ADCY10: variants seen among roughly 807,000 people sequenced by gnomAD.
The protein encoded by ADCY10 is adenylate cyclase 10, also known as adenylate cyclase type 10.
In ADCY10, 156 loss-of-function variants were observed where a neutral mutation model predicts 183.3. The ratio of observed to expected loss-of-function variants is 0.85; its 90% CI spans 0.75 to 0.97. ADCY10 has a LOEUF of 0.97. Ranked by LOEUF, ADCY10 falls within the 50% of genes least tolerant of loss-of-function variation. ADCY10 has a pLI of 0.00. For missense variants in ADCY10, 1,745 were observed against 1,934.3 expected (o/e 0.90, Z 1.84); for synonymous variants, 645 against 670.0 (o/e 0.96, Z 0.58).
chr1:167,893,770 G>GTTTT, intron 8 of ADCY10, 83 bp downstream of exon 8: 3 of 741,702 alleles, frequency 4.0e-6, no homozygotes, highest in Non-Finnish European at 6.6e-6. Context: ...AGTAGCTGCT[G>GTTTT]TTTTTTTTTT....
At chr1:167,902,257 T>C (rs574361427) in intron 3 of ADCY10, among the ~76,000 whole-genome samples, 1 of 152,256 alleles carries the variant, frequency 6.6e-6, no homozygotes, top group African/African-American at 2.4e-5. Context: ...GTGGAACCAG[T>C]TTACATCTAT....
chr1:167,820,716 G>T, intron 30 of ADCY10: 1 of 152,562 alleles, frequency 6.6e-6, no homozygotes, highest in Non-Finnish European at 1.5e-5. Context: ...AGGTAGACGG[G>T]ACCTGAGCCC....
Position 167,846,056 on chromosome 1 carries a change from G to A in ADCY10, c.2645C>T (p.Ala882Val), listed in dbSNP as rs2101969828. 1.9e-6 allele frequency: 3 copies of A among 1,614,200 alleles called. No homozygotes were observed. The highest frequency in any genetic ancestry group is 2.5e-6 in the Non-Finnish European group (3 of 1,180,042). ...CFRNGKELQK[A>V]LKQNDPSFEV... ...AAATGAGGGATCATTCTGTTTCAGG[G>A]CCTTTTGAAGCTCCTTGCCATTCCG... The change falls in exon 20 of 33, where the codon GCC becomes GTC. Residue 882 changes from alanine (A) to valine (V), a missense_variant. Transcript: ENST00000367851.
At chr1:167,817,975 T>C (rs1221611651) in intron 31 of ADCY10, 97 bp downstream of exon 31, 2 of 1,248,808 alleles carry the variant, frequency 1.6e-6, no homozygotes, top group East Asian at 5.1e-5. Context: ...ATTATAAAAA[T>C]ATATGAATTC....
intron 30 of ADCY10, among the ~76,000 whole-genome samples, chr1:167,819,394 C>T (rs576720894): frequency 1.6e-4 from 25 of 151,772 alleles, no homozygotes; most frequent in African/African-American, 4.3e-4. Context: ...CCTGCCATCA[C>T]GCCTGCCTAA....
At chr1:167,827,386 T>C (rs1024190980) in intron 26 of ADCY10, among the ~76,000 whole-genome samples, 3 of 151,062 alleles carry the variant, frequency 2.0e-5, no homozygotes, top group Non-Finnish European at 4.4e-5. Flanking sequence ...CACCGTGGTC[T>C]TGATCTCCTT....
intron 16 of ADCY10, among the ~76,000 whole-genome samples, 173 bp from the exon 17 acceptor site, chr1:167,856,612 A>G (rs1463313495): frequency 1.3e-5 from 2 of 152,188 alleles, no homozygotes; most frequent in African/African-American, 4.8e-5. Flanking sequence ...TATTCCATTA[A>G]CTTAGAATTT....
Position 167,902,041 on chromosome 1 carries a change from A to G in ADCY10, c.267T>C (p.Phe89=). Residue 89 remains phenylalanine (F), a synonymous_variant, in exon 4 of 33, where the codon TTT becomes TTC. Coordinates refer to ENST00000367851, the MANE Select transcript of ADCY10 (RefSeq NM_018417.6). ...CTGCAAATTTCAGGATGTCTCCTCCAAAAATCAACACTTCTGAGAAAAAAA... is the reference window on the plus strand; with the variant it reads ...CTGCAAATTTCAGGATGTCTCCTCCGAAAATCAACACTTCTGAGAAAAAAA... ...ISAIVEKVLI[F]GGDILKFAGD... 1 of 1,612,334 alleles carries G rather than the reference A, an allele frequency of 6.2e-7. No individual in the cohort carries two copies. The highest frequency in any genetic ancestry group is 8.5e-7 in the Non-Finnish European group (1 of 1,179,864).
At chr1:167,847,316 A>T (rs977634391) in intron 19 of ADCY10, among the ~76,000 whole-genome samples, 3 of 152,198 alleles carry the variant, frequency 2.0e-5, no homozygotes, top group Non-Finnish European at 4.4e-5. Flanking sequence ...CTAAACATTG[A>T]AAGTTGCTTA....
intron 16 of ADCY10, among the ~76,000 whole-genome samples, chr1:167,859,164 C>T (rs568628545): frequency 2.0e-5 from 3 of 152,214 alleles, no homozygotes; most frequent in Non-Finnish European, 4.4e-5. Flanking sequence ...TCACTACATC[C>T]AAGTGGAATA....
At chr1:167,869,352 A>G (rs1571352643) in intron 14 of ADCY10, among the ~76,000 whole-genome samples, 1 of 152,224 alleles carries the variant, frequency 6.6e-6, no homozygotes, top group East Asian at 1.9e-4. Context: ...AATCTATTGC[A>G]CAAGAAGGCA....
rs1251156087 is a variant in ADCY10, at chr1:167,832,998, G to A, written c.3582C>T (p.Ser1194=). 5 of 1,613,810 alleles carry A rather than the reference G, an allele frequency of 3.1e-6. No individual in the cohort carries two copies. Among genetic ancestry groups the A allele is most frequent in the South Asian group, 1.1e-5 (1 of 91,064 alleles). The change falls in exon 25 of 33, where the codon AGC becomes AGT. Residue 1194 remains serine (S), a synonymous_variant. Coordinates refer to ENST00000367851, the MANE Select transcript of ADCY10 (RefSeq NM_018417.6). Reference sequence around the variant, plus strand: ...GCTCCTTCCCTTACCCTGGAGGTGGGCTCTCTTGGGCCTGCCGATTCACAT... The same window carrying A: ...GCTCCTTCCCTTACCCTGGAGGTGGACTCTCTTGGGCCTGCCGATTCACAT... ...FHYVNRQAQE[S]PPPGKKRLAQ...
In ADCY10 at chr1:167,824,659, A is replaced by G. The variant is rs781107148; in HGVS notation, c.3947T>C (p.Ile1316Thr). Residue 1316 changes from isoleucine to threonine, a missense_variant, in exon 27 of 33, where the codon ATT becomes ACT. By Grantham distance (89) the Ile-to-Thr change is moderately conservative. Coordinates refer to ENST00000367851, the MANE Select transcript of ADCY10 (RefSeq NM_018417.6). ...KLIMGHLDLA[I>T]ELGSRALQMW... ...GCCCAGCCAGCCCTTACCTAACTCA[A>G]TGGCCAAATCCAGGTGTCCCATTAT... The G allele has an allele frequency of 4.1e-5, 66 of 1,613,980 alleles. No individual in the cohort carries two copies. Among genetic ancestry groups the G allele is most frequent in the Non-Finnish European group, 5.3e-5 (63 of 1,180,016 alleles).
At chr1:167,893,222 T>G (rs1175654028) in intron 8 of ADCY10, among the ~76,000 whole-genome samples, 1 of 152,200 alleles carries the variant, frequency 6.6e-6, no homozygotes, top group South Asian at 2.1e-4. Flanking sequence ...TTCATCCACT[T>G]GAAGTCTTTC....
intron 31 of ADCY10, among the ~76,000 whole-genome samples, chr1:167,815,593 T>C (rs907595648): frequency 4.6e-5 from 7 of 152,196 alleles, no homozygotes; most frequent in African/African-American, 1.4e-4. Context: ...TAAAGACTTA[T>C]TTAGACAAAG....
chr1:167,812,808 C>A (rs1662303434), intron 31 of ADCY10, among the ~76,000 whole-genome samples: 1 of 151,968 alleles, frequency 6.6e-6, no homozygotes, highest in African/African-American at 2.4e-5. Flanking sequence ...AGTAAAGTGA[C>A]AGAAAACCTA....
At chr1:167,854,551 T>G in intron 17 of ADCY10, 62 bp from the exon 18 acceptor site, 1 of 1,573,348 alleles carries the variant, frequency 6.4e-7, no homozygotes. Flanking sequence ...AGGAAAAATA[T>G]GTAAGTCTTC....
intron 1 of ADCY10, among the ~76,000 whole-genome samples, chr1:167,909,226 G>A (rs1212281143): frequency 6.6e-6 from 1 of 152,056 alleles, no homozygotes; most frequent in Non-Finnish European, 1.5e-5. Flanking sequence ...CATTTTCAAT[G>A]CTATATAGTA....
Position 167,836,296 on chromosome 1 carries a change from A to T in ADCY10, c.3309+13T>A. 6.4e-7 allele frequency: 1 copy of T among 1,573,586 alleles called. No homozygotes were observed. The highest frequency in any genetic ancestry group is 8.7e-7 in the Non-Finnish European group (1 of 1,143,478). ...TCTCTAGGGTGGAGGTGGTCTGGGT[A>T]GAAACAGCTTACCATGTAGTTATCA... On this transcript the variant is annotated intron_variant, in intron 23 of 32. Transcript: ENST00000367851.
Sources: allele counts gnomAD v4.1 joint callset (sites outside exome capture counted in the v4.1 genomes callset), GRCh38; gene constraint gnomAD v4.1.1; transcripts MANE v1.5; gene names NCBI Gene and HGNC (gene_info 2026-07-23, HGNC 2026-07-21).